ELMO1: variants seen among roughly 807,000 people sequenced by gnomAD.
The protein encoded by ELMO1 is engulfment and cell motility protein 1.
A neutral mutation model predicts 98.9 loss-of-function variants in ELMO1; 26 were observed. The ratio of observed to expected loss-of-function variants is 0.26; its 90% CI spans 0.19 to 0.36. The LOEUF is 0.36. Ranked by LOEUF, ELMO1 falls within the 10% of genes least tolerant of loss-of-function variation. ELMO1 has a pLI of 1.00. For missense variants in ELMO1, 627 were observed against 935.2 expected (o/e 0.67, Z 4.30); for synonymous variants, 346 against 346.0 (o/e 1.00, Z 0.00).
intron 1 of ELMO1, among the ~76,000 whole-genome samples, chr7:37,444,704 C>T (rs1052876468): frequency 6.6e-6 from 1 of 152,134 alleles, no homozygotes; most frequent in Non-Finnish European, 1.5e-5. Flanking sequence ...TCAATAGAGA[C>T]GGGGTTTCAC....
At chr7:37,008,998 C>T (rs1793354490) in intron 16 of ELMO1, among the ~76,000 whole-genome samples, 1 of 152,188 alleles carries the variant, frequency 6.6e-6, no homozygotes, top group African/African-American at 2.4e-5. Context: ...TTCTGACGTA[C>T]AGCTAAAGCT....
At chr7:37,393,487 A>G (rs1803168490) in intron 1 of ELMO1, among the ~76,000 whole-genome samples, 1 of 152,234 alleles carries the variant, frequency 6.6e-6, no homozygotes, top group Non-Finnish European at 1.5e-5. Flanking sequence ...AATCCAATTC[A>G]GAATCACACA....
rs759233133 is a variant in ELMO1 at position 36,955,179 on chromosome 7, C to CTT, written c.1437+58119_1437+58120insAA. On this transcript the variant is annotated intron_variant, in intron 16 of 21. Transcript: ENST00000310758. ...CTCCAGGAGGTCAAGGGACTTTAGT[C>CTT]TAAGGTCGAGTAGCTCCTAACTGGT... 9.8e-5 allele frequency among the ~76,000 whole-genome samples: 15 copies of CTT among 152,306 alleles called. No individual in the cohort carries two copies. In the East Asian group the frequency reaches 1.4e-3, roughly 14 times the overall value.
chr7:37,131,282 T>C (rs1051655186), intron 14 of ELMO1, among the ~76,000 whole-genome samples: 1 of 152,084 alleles, frequency 6.6e-6, no homozygotes, highest in African/African-American at 2.4e-5. Flanking sequence ...GTCTAACCAA[T>C]AAAGAAAAGT....
intron 2 of ELMO1, among the ~76,000 whole-genome samples, chr7:37,321,578 G>T (rs905552120): frequency 6.6e-6 from 1 of 151,500 alleles, no homozygotes; most frequent in African/African-American, 2.4e-5. Flanking sequence ...TTAGCCGGGC[G>T]TGGTGGCGGG....
At chr7:37,192,464 C>T (rs1791650365) in intron 13 of ELMO1, among the ~76,000 whole-genome samples, 1 of 140,050 alleles carries the variant, frequency 7.1e-6, no homozygotes, top group Admixed American at 7.6e-5. Context: ...CACTGAACTC[C>T]ATCCAGCCTG....
chr7:36,936,460 T>C (rs981011978), intron 16 of ELMO1, among the ~76,000 whole-genome samples: 4 of 152,154 alleles, frequency 2.6e-5, no homozygotes, highest in African/African-American at 9.7e-5. Context: ...CTCGATTTTT[T>C]AGTTTTATTT....
chr7:37,317,088 C>T (rs143047802), intron 2 of ELMO1, among the ~76,000 whole-genome samples: 63 of 152,124 alleles, frequency 4.1e-4, no homozygotes, highest in African/African-American at 1.4e-3. Context: ...ATACAAAGGG[C>T]AAAAGACTTC....
chr7:37,334,585 G>A (rs1474585682), intron 2 of ELMO1, among the ~76,000 whole-genome samples: 2 of 152,178 alleles, frequency 1.3e-5, no homozygotes, highest in African/African-American at 4.8e-5. Flanking sequence ...AGCCTAAGCC[G>A]ATCTTGAAGG....
chr7:37,384,593 G>A (rs955665766), intron 1 of ELMO1, among the ~76,000 whole-genome samples: 6 of 152,046 alleles, frequency 3.9e-5, no homozygotes, highest in Admixed American at 6.6e-5. Context: ...GGTGGTGGGC[G>A]CCTGTAGTCC....
At chr7:37,434,783 T>C (rs539481436) in intron 1 of ELMO1, among the ~76,000 whole-genome samples, 1 of 152,316 alleles carries the variant, frequency 6.6e-6, no homozygotes, top group African/African-American at 2.4e-5. Flanking sequence ...TTACACAGCC[T>C]TCATGTGCTA....
intron 4 of ELMO1, among the ~76,000 whole-genome samples, chr7:37,272,185 G>A (rs143127742): frequency 3.4e-3 from 512 of 152,248 alleles, no homozygotes; most frequent in Admixed American, 5.5e-3. Context: ...TGACTCCTAC[G>A]ATTGCACTCC....
chr7:36,993,094 G>A (rs1791979925), intron 16 of ELMO1, among the ~76,000 whole-genome samples: 1 of 152,166 alleles, frequency 6.6e-6, no homozygotes, highest in Non-Finnish European at 1.5e-5. Flanking sequence ...CAAGGAAGAA[G>A]AAGAAGAAAC....
In ELMO1 at chr7:37,275,185, A is replaced by G. The variant is rs113370991; in HGVS notation, c.193-3303T>C. Among the ~76,000 whole-genome samples, 4 of 152,288 alleles carry G rather than the reference A, an allele frequency of 2.6e-5. No individual in the cohort carries two copies. The East Asian group carries it at 5.8e-4, about 22-fold the overall frequency. ...AGAGTTCATCAGTCGCTCAACATAC[A>G]TGACAGCAAATAATCAAGACTGGAT... On this transcript the variant is annotated intron_variant, in intron 4 of 21. Coordinates refer to ENST00000310758, the MANE Select transcript of ELMO1 (RefSeq NM_014800.11).
At chr7:36,944,152 C>G (rs1206349490) in intron 16 of ELMO1, among the ~76,000 whole-genome samples, 1 of 152,128 alleles carries the variant, frequency 6.6e-6, no homozygotes, top group Non-Finnish European at 1.5e-5. Flanking sequence ...TGGCAACTTT[C>G]CCTATTTTAA....
At chr7:37,246,793 C>T (rs566527260) in intron 6 of ELMO1, among the ~76,000 whole-genome samples, 25 of 146,062 alleles carry the variant, frequency 1.7e-4, no homozygotes, top group East Asian at 8.3e-4. Context: ...GATAGATAAA[C>T]AGACAGATAG....
intron 16 of ELMO1, among the ~76,000 whole-genome samples, chr7:36,897,634 G>T (rs1237533004): frequency 1.3e-5 from 2 of 152,110 alleles, no homozygotes; most frequent in African/African-American, 4.8e-5. Context: ...AAAATCGCCT[G>T]CATTTACAGG....
chr7:37,337,539 A>C (rs1018541251), intron 2 of ELMO1, among the ~76,000 whole-genome samples: 38 of 151,660 alleles, frequency 2.5e-4, no homozygotes, highest in Non-Finnish European at 4.4e-4. Flanking sequence ...AAAAAAAAAA[A>C]AAACACCTAT....
rs1192285208 is a variant in ELMO1 at position 37,246,795 on chromosome 7, G to GATAA, written c.414-2405_414-2404insTTAT. On this transcript the variant is annotated intron_variant, in intron 6 of 21. Transcript: ENST00000310758. ...AGACAGATAGATAGATAGATAAACA[G>GATAA]ACAGATAGATAGATAGATATCTATC... Among the ~76,000 whole-genome samples, 7 of 151,758 alleles carry GATAA rather than the reference G, an allele frequency of 4.6e-5. No individual in the cohort carries two copies. The East Asian group carries it at 7.8e-4, about 17-fold the overall frequency.
Sources: allele counts gnomAD v4.1 joint callset (sites outside exome capture counted in the v4.1 genomes callset), GRCh38; gene constraint gnomAD v4.1.1; transcripts MANE v1.5; gene names NCBI Gene and HGNC (gene_info 2026-07-23, HGNC 2026-07-21).